CELF2: variants seen among roughly 807,000 people sequenced by gnomAD.
CELF2 encodes CUG triplet repeat RNA-binding protein 2.
A neutral mutation model predicts 62.6 loss-of-function variants in CELF2; 8 were observed. The observed-to-expected ratio is 0.13, with a 90% CI of 0.07 to 0.23. The LOEUF (loss-of-function observed/expected upper bound fraction) is 0.23, where lower values mean the gene tolerates loss of function less well. Among genes scored for constraint, CELF2 ranks in the 10% least tolerant of loss-of-function variants. CELF2 has a pLI of 1.00. For synonymous variants in CELF2, 258 were observed against 250.0 expected (o/e 1.03, Z -0.30); for missense variants, 333 against 671.0 (o/e 0.50, Z 5.56).
At position 10,931,515 on chromosome 10, in the gene CELF2, C is replaced by G. The variant is rs2135151029; in HGVS notation, c.89+11516C>G. Among the ~76,000 whole-genome samples, 1 of 152,314 alleles carries G rather than the reference C, an allele frequency of 6.6e-6. No homozygotes were observed. Among genetic ancestry groups the G allele is most frequent in the Non-Finnish European group, 1.5e-5 (1 of 68,022 alleles). On this transcript the variant is annotated intron_variant, in intron 2 of 13. Transcript: ENST00000636488. The surrounding 1 kb of genome is among the most constrained non-coding windows in gnomAD (Gnocchi z 6.1). ...ATTTGAGACCCTCCCTCACCCAGAT[C>G]CCAACCTGTGGAACTCAGGCTAGCA...
At chr10:11,168,612 G>C (rs1336616798) in intron 2 of CELF2, among the ~76,000 whole-genome samples, 1 of 152,314 alleles carries the variant, frequency 6.6e-6, no homozygotes, top group East Asian at 1.9e-4. Flanking sequence ...AATTACTGGA[G>C]GTGGTTTGGG....
the CELF2 span, among the ~76,000 whole-genome samples, chr10:10,544,727 G>C: frequency 0.62 from 93,600 of 152,024 alleles, 29,043 homozygotes; most frequent in East Asian, 0.68. Context: ...CCAACACAGA[G>C]TATGGAGAGA....
chr10:10,608,145 C>CAAAT, the CELF2 span, among the ~76,000 whole-genome samples: 7 of 152,000 alleles, frequency 4.6e-5, no homozygotes, highest in Admixed American at 3.9e-4. Flanking sequence ...AACAAACAAA[C>CAAAT]AAACAAACAA....
chr10:11,304,744 G>A (rs1268127197), intron 9 of CELF2, among the ~76,000 whole-genome samples: 1 of 152,180 alleles, frequency 6.6e-6, no homozygotes, highest in Non-Finnish European at 1.5e-5. Flanking sequence ...CTGCCACATT[G>A]GGGATAAAGT....
intron 2 of CELF2, among the ~76,000 whole-genome samples, chr10:10,985,237 T>G (rs1347272076): frequency 6.6e-6 from 1 of 152,178 alleles, no homozygotes; most frequent in Non-Finnish European, 1.5e-5. Flanking sequence ...GATAATATTT[T>G]ATCATTTTGA....
At chr10:11,258,112 A>G (rs986059178) in intron 5 of CELF2, among the ~76,000 whole-genome samples, 1 of 152,228 alleles carries the variant, frequency 6.6e-6, no homozygotes, top group Admixed American at 6.5e-5. Flanking sequence ...TGTGAAGCCA[A>G]CAGGCTGCCC....
Position 11,010,526 on chromosome 10 carries a change from T to G in CELF2, c.53+5086T>G, listed in dbSNP as rs2056271429. Among the ~76,000 whole-genome samples, 1 of 152,198 alleles carries G rather than the reference T, an allele frequency of 6.6e-6. No individual in the cohort carries two copies. Among genetic ancestry groups the G allele is most frequent in the Non-Finnish European group, 1.5e-5 (1 of 68,030 alleles). ...CTACACTAACTGGTTACTTTGATCT[T>G]GTATAATTTAATCCTCAGATATCCA... is the stretch of plus-strand genomic sequence containing the variant. On this transcript the variant is annotated intron_variant, in intron 1 of 12. Transcript: ENST00000416382. The surrounding 1 kb of genome is among the most constrained non-coding windows in gnomAD (Gnocchi z 4.1).
the CELF2 span, among the ~76,000 whole-genome samples, chr10:10,752,688 C>CAAAAAAAAAAAAAAAA: frequency 5.1e-5 from 3 of 58,978 alleles, no homozygotes; most frequent in Admixed American, 3.9e-4. Flanking sequence ...GACTCCGTCT[C>CAAAAAAAAAAAAAAAA]AAAAAAAAAA....
intron 2 of CELF2, among the ~76,000 whole-genome samples, chr10:10,960,922 T>C (rs554886709): frequency 1.2e-4 from 18 of 152,370 alleles, no homozygotes; most frequent in African/African-American, 4.3e-4. Context: ...GAAGCTTCTC[T>C]GCTCCTAAAT....
chr10:11,086,578 TAAAAAAAAAAAAAAA>T (rs1168932032), intron 1 of CELF2, among the ~76,000 whole-genome samples: 25 of 71,984 alleles, frequency 3.5e-4, no homozygotes, highest in Middle Eastern at 0.011. Flanking sequence ...TTGCATTTGT[TAAAAAAAAAAAAAAA>T]AAAAAAAAAA....
chr10:11,108,225 T>C, intron 1 of CELF2, among the ~76,000 whole-genome samples: 1 of 150,026 alleles, frequency 6.7e-6, no homozygotes. Context: ...CTCATTCCCT[T>C]CACAGGTTAC....
chr10:10,576,424 A>T, the CELF2 span, among the ~76,000 whole-genome samples: 15 of 152,324 alleles, frequency 9.8e-5, no homozygotes, highest in South Asian at 3.1e-3. Context: ...AGAAGAAATC[A>T]ACCCCAGAGA....
At chr10:11,072,984 A>G (rs1279548595) in intron 1 of CELF2, among the ~76,000 whole-genome samples, 1 of 151,918 alleles carries the variant, frequency 6.6e-6, no homozygotes, top group Non-Finnish European at 1.5e-5. Context: ...TACATTATAT[A>G]TTATAAGTTA....
At chr10:11,164,171 G>C (rs1368251518) in intron 1 of CELF2, among the ~76,000 whole-genome samples, 1 of 152,246 alleles carries the variant, frequency 6.6e-6, no homozygotes, top group Non-Finnish European at 1.5e-5. Flanking sequence ...AGAAGCTGGA[G>C]CAAGCGCGCA....
chr10:10,846,896 C>T (rs1173100308), intron 1 of CELF2, among the ~76,000 whole-genome samples: 1 of 152,126 alleles, frequency 6.6e-6, no homozygotes, highest in Non-Finnish European at 1.5e-5. Flanking sequence ...TGAACACTTC[C>T]ATGTGATTGC....
At chr10:11,189,124 C>T (rs1028856432) in intron 2 of CELF2, among the ~76,000 whole-genome samples, 8 of 152,122 alleles carry the variant, frequency 5.3e-5, no homozygotes, top group African/African-American at 1.4e-4. Context: ...TACCCAAGAC[C>T]GTGAATTGTG....
rs1452579660 is a variant in CELF2, at chr10:11,246,132, T to A, written c.355-3021T>A. 1.3e-5 allele frequency among the ~76,000 whole-genome samples: 2 copies of A among 152,144 alleles called. No individual in the cohort carries two copies. The highest frequency in any genetic ancestry group is 4.8e-5 in the African/African-American group (2 of 41,420). On this transcript the variant is annotated intron_variant, in intron 3 of 12. Transcript: ENST00000633077. The surrounding 1 kb of genome is among the most constrained non-coding windows in gnomAD (Gnocchi z 4.6). The stretch of plus-strand genomic sequence containing the variant: ...CACGCATTTCACAGATGCATCTGAA[T>A]GCTCACAGTGCTCTATTTGTGCTCT...
intron 3 of CELF2, among the ~76,000 whole-genome samples, chr10:11,233,921 A>G (rs1371090906): frequency 6.6e-6 from 1 of 152,216 alleles, no homozygotes; most frequent in African/African-American, 2.4e-5. Context: ...GGTGTGCCAG[A>G]GTTGTACATC....
intron 1 of CELF2, among the ~76,000 whole-genome samples, chr10:11,154,167 C>T (rs938837344): frequency 1.3e-5 from 2 of 152,178 alleles, no homozygotes; most frequent in Admixed American, 6.5e-5. Flanking sequence ...TAATTTAGCA[C>T]ATAATTCTAC....
Sources: gnomAD v4.1 joint callset for allele counts (sites outside exome capture counted in the v4.1 genomes callset) on GRCh38, gnomAD v4.1.1 for gene constraint, Gnocchi (gnomAD v3.1) non-coding constraint, MANE v1.5 for transcripts, NCBI Gene and HGNC (gene_info 2026-07-23, HGNC 2026-07-21) for gene names.